OXR1: variants seen among roughly 807,000 people sequenced by gnomAD.
OXR1 encodes the protein oxidation resistance 1, also known as oxidation resistance protein 1.
OXR1 carries 41 observed loss-of-function variants against 104.6 expected under a neutral mutation model. The observed-to-expected ratio is 0.39, with a 90% CI of 0.31 to 0.51. OXR1 has a LOEUF of 0.51. OXR1 is among the 20% of genes least tolerant of loss of function. The pLI is 0.77. For missense variants in OXR1, 955 were observed against 1,031.9 expected, an observed-to-expected ratio of 0.93 and a Z score of 1.02; for synonymous variants, 348 against 348.4, an observed-to-expected ratio of 1.00 and a Z score of 0.01.
intron 15 of OXR1, among the ~76,000 whole-genome samples, chr8:106,744,044 G>C (rs572432858): frequency 2.0e-5 from 3 of 152,322 alleles, no homozygotes; most frequent in African/African-American, 7.2e-5. Flanking sequence ...GTCTGTCGCA[G>C]GGTGAGGGTG....
intron 1 of OXR1, among the ~76,000 whole-genome samples, chr8:106,275,889 A>C (rs1586461203): frequency 6.6e-6 from 1 of 152,372 alleles, no homozygotes; most frequent in East Asian, 1.9e-4. Flanking sequence ...TAATTGTTAA[A>C]GATAAGTAAT....
intron 6 of OXR1, among the ~76,000 whole-genome samples, chr8:106,689,023 T>C (rs776964): frequency 0.13 from 20,082 of 152,076 alleles, 1,602 homozygotes; most frequent in Non-Finnish European, 0.18. Flanking sequence ...ATGTAGAAGA[T>C]TTAGAAATGT....
At chr8:106,312,682 G>C (rs945356566) in intron 1 of OXR1, among the ~76,000 whole-genome samples, 4 of 152,072 alleles carry the variant, frequency 2.6e-5, no homozygotes, top group African/African-American at 9.7e-5. Context: ...TAAGTCTTAT[G>C]GTGTTACTTG....
chr8:106,665,803 G>C lies in OXR1; in HGVS notation c.221-13407G>C, dbSNP rs184900558. Among the ~76,000 whole-genome samples the C allele has an allele frequency of 2.3e-3, 356 of 152,220 alleles. 3 individuals are homozygous for C. The highest frequency in any genetic ancestry group is 8.2e-3 in the Admixed American group (126 of 15,290). ...TTTAGGGTCAAATACATACATTAGA[G>C]AAAGGACAAAAATTGGCTTTTATTT... On this transcript the variant is annotated intron_variant, in intron 3 of 16. Coordinates refer to ENST00000517566, the MANE Select transcript of OXR1 (RefSeq NM_001198533.2).
At chr8:106,321,967 C>T (rs1478591844) in intron 1 of OXR1, among the ~76,000 whole-genome samples, 1 of 152,006 alleles carries the variant, frequency 6.6e-6, no homozygotes, top group Admixed American at 6.6e-5. Flanking sequence ...TCAGCAATAA[C>T]AAAACTTTAT....
chr8:106,394,437 A>C (rs551910445), intron 2 of OXR1, among the ~76,000 whole-genome samples: 1 of 152,154 alleles, frequency 6.6e-6, no homozygotes, highest in African/African-American at 2.4e-5. Context: ...CTGTGCTATG[A>C]TGTTGATAAT....
At chr8:106,664,986 T>G (rs1305618052) in intron 3 of OXR1, among the ~76,000 whole-genome samples, 1 of 152,180 alleles carries the variant, frequency 6.6e-6, no homozygotes, top group Admixed American at 6.5e-5. Context: ...ACAAAAACAT[T>G]AGCAAACTTG....
chr8:106,367,228 A>C (rs148629723), intron 2 of OXR1, among the ~76,000 whole-genome samples: 7,151 of 151,502 alleles, frequency 0.047, 542 homozygotes, highest in African/African-American at 0.16. Context: ...TGCCCGGCTA[A>C]TTTTTTTGTA....
chr8:106,351,764 G>T (rs1472850076), intron 1 of OXR1, among the ~76,000 whole-genome samples: 5 of 152,120 alleles, frequency 3.3e-5, no homozygotes, highest in African/African-American at 4.8e-5. Context: ...GCATCTCCTT[G>T]TTCTTCCTCA....
Position 106,289,633 on chromosome 8 carries a change from G to A in OXR1, c.-139+19266G>A, listed in dbSNP as rs978187595. On this transcript the variant is annotated intron_variant, in intron 1 of 16. Transcript: ENST00000517566. ...ATGCTATTCCTATCAAACCATCAAT[G>A]TAATTCTTCCCAGAATTAGATCACA... Among the ~76,000 whole-genome samples, 2 of 152,168 alleles carry A rather than the reference G, an allele frequency of 1.3e-5. 1 individual carries two copies. The highest frequency in any genetic ancestry group is 2.9e-5 in the Non-Finnish European group (2 of 68,030).
intron 3 of OXR1, among the ~76,000 whole-genome samples, chr8:106,582,264 C>G (rs1366554409): frequency 6.8e-6 from 1 of 146,926 alleles, no homozygotes; most frequent in Non-Finnish European, 1.5e-5. Context: ...TCCAGGGCAG[C>G]TCACTTGGAG....
Position 106,683,202 on chromosome 8 carries a change from G to A in OXR1, c.307G>A (p.Glu103Lys). The A allele has an allele frequency of 1.3e-6, 2 of 1,506,158 alleles. No homozygotes were observed. Among genetic ancestry groups the A allele is most frequent in the Non-Finnish European group, 1.8e-6 (2 of 1,086,972 alleles). The allele number at this position is 1,506,158 out of a possible 1,614,324, so 93.3% of individuals were successfully genotyped here. ...ATTTATTTTTTCTTTTAAACAGGTT[G>A]AATCAAGGGATTCTTTGAATAGCAT... ...KPKGTIEYTV[E>K]SRDSLNSIAL... Residue 103 changes from glutamate (E) to lysine (K), a missense_variant, in exon 5 of 17, where the codon GAA (glutamate) becomes AAA (lysine). Glu to Lys is a moderately conservative substitution (Grantham distance 56, BLOSUM62 1). Transcript: ENST00000517566.
intron 2 of OXR1, among the ~76,000 whole-genome samples, chr8:106,425,199 G>A (rs1819064351): frequency 6.7e-6 from 1 of 149,532 alleles, no homozygotes; most frequent in Non-Finnish European, 1.5e-5. Context: ...AACCTCCTGG[G>A]CTCAAGGGAT....
chr8:106,564,701 T>C (rs2130517940), intron 3 of OXR1, among the ~76,000 whole-genome samples: 1 of 152,284 alleles, frequency 6.6e-6, no homozygotes. Flanking sequence ...TACAGGCCAA[T>C]ATCCCTGATG....
At chr8:106,310,863 C>T (rs1403771522) in intron 1 of OXR1, among the ~76,000 whole-genome samples, 1 of 152,092 alleles carries the variant, frequency 6.6e-6, no homozygotes, top group Non-Finnish European at 1.5e-5. Flanking sequence ...TGTTTGTCCT[C>T]AGTGTTCCAA....
chr8:106,364,331 G>A (rs1816374267), intron 2 of OXR1, among the ~76,000 whole-genome samples: 1 of 152,130 alleles, frequency 6.6e-6, no homozygotes, highest in South Asian at 2.1e-4. Flanking sequence ...TGTAATCCCA[G>A]TACATTGGGA....
intron 7 of OXR1, chr8:106,697,793 G>A: frequency 6.2e-7 from 1 of 1,612,250 alleles, no homozygotes; most frequent in Non-Finnish European, 8.5e-7. Context: ...ACTGGGACCT[G>A]CCCCTTGGGG....
At chr8:106,714,572 C>T (rs1832049337) in intron 11 of OXR1, among the ~76,000 whole-genome samples, 1 of 151,936 alleles carries the variant, frequency 6.6e-6, no homozygotes, top group African/African-American at 2.4e-5. Flanking sequence ...TTTAAATGGT[C>T]AAAGTTATAC....
intron 2 of OXR1, among the ~76,000 whole-genome samples, chr8:106,516,715 C>T (rs926738236): frequency 1.3e-5 from 2 of 152,058 alleles, no homozygotes; most frequent in African/African-American, 4.8e-5. Context: ...GTAGTACCAC[C>T]TTATCCACAG....
Sources: gnomAD v4.1 joint callset for allele counts (sites outside exome capture counted in the v4.1 genomes callset) on GRCh38, gnomAD v4.1.1 for gene constraint, MANE v1.5 for transcripts, NCBI Gene and HGNC (gene_info 2026-07-23, HGNC 2026-07-21) for gene names.